Variants in HSF5 observed in about 807,000 individuals in gnomAD.
The protein encoded by HSF5 is heat shock transcription factor 5.
HSF5 carries 5 observed loss-of-function variants against 50.8 expected under a neutral mutation model. The ratio of observed to expected loss-of-function variants is 0.10; its 90% CI spans 0.05 to 0.21. The LOEUF (loss-of-function observed/expected upper bound fraction) is 0.21. Ranked by LOEUF, HSF5 falls within the 10% of genes least tolerant of loss-of-function variation. The pLI is 1.00. For missense variants in HSF5, 564 were observed against 762.6 expected (o/e 0.74, Z 3.07); for synonymous variants, 307 against 307.4 (o/e 1.00, Z 0.02).
chr17:58,452,615 G>A (rs1278765441), intron 5 of HSF5, among the ~76,000 whole-genome samples: 1 of 152,212 alleles, frequency 6.6e-6, no homozygotes, highest in Non-Finnish European at 1.5e-5. Context: ...TTTGAGACCA[G>A]CCTAGGCAAC....
chr17:58,477,650 C>T (rs965900944), intron 2 of HSF5, among the ~76,000 whole-genome samples: 10 of 151,740 alleles, frequency 6.6e-5, no homozygotes, highest in Non-Finnish European at 1.2e-4. Flanking sequence ...TTAGTAGAGA[C>T]AGGGTTTCAC....
intron 5 of HSF5, among the ~76,000 whole-genome samples, chr17:58,422,855 A>C (rs1974244963): frequency 6.6e-6 from 1 of 151,600 alleles, no homozygotes; most frequent in Non-Finnish European, 1.5e-5. Context: ...ACCACCACGC[A>C]CGGCTAATTT....
intron 5 of HSF5, among the ~76,000 whole-genome samples, chr17:58,424,042 C>T (rs1567903900): frequency 6.6e-6 from 1 of 152,152 alleles, no homozygotes; most frequent in African/African-American, 2.4e-5. Flanking sequence ...TTGTAAAAGA[C>T]AGACTAGTCA....
intron 5 of HSF5, among the ~76,000 whole-genome samples, chr17:58,438,814 T>C (rs116124839): frequency 0.021 from 3,122 of 152,138 alleles, 44 homozygotes; most frequent in Middle Eastern, 0.044. Flanking sequence ...CAACCTGAAG[T>C]TGCACTAAGA....
chr17:58,480,281 G>A lies in HSF5; in HGVS notation c.551-14C>T, dbSNP rs774382148. 2.2e-5 allele frequency: 35 copies of A among 1,578,468 alleles called. No individual in the cohort carries two copies. The highest frequency in any genetic ancestry group is 2.9e-5 in the Non-Finnish European group (34 of 1,162,970). On this transcript the variant is annotated splice_polypyrimidine_tract_variant and intron_variant, in intron 1 of 5. Transcript: ENST00000323777. ...CAGCCACTGGTCCTACATAAAAGAGGAAGAGCACATTTACTAATTTTGCAT... is the reference window on the plus strand; with the variant it reads ...CAGCCACTGGTCCTACATAAAAGAGAAAGAGCACATTTACTAATTTTGCAT...
At chr17:58,476,383 A>C (rs1021722801) in intron 2 of HSF5, 17 of 1,047,702 alleles carry the variant, frequency 1.6e-5, no homozygotes, top group Non-Finnish European at 2.5e-5. Context: ...TCAGGTAAAG[A>C]AGCTCCCTGG....
At chr17:58,470,610 G>A (rs1208321632) in intron 2 of HSF5, among the ~76,000 whole-genome samples, 1 of 152,186 alleles carries the variant, frequency 6.6e-6, no homozygotes, top group African/African-American at 2.4e-5. Context: ...AGTGTCAATG[G>A]ATTGTATATT....
intron 2 of HSF5, among the ~76,000 whole-genome samples, chr17:58,473,398 A>G (rs1212472781): frequency 6.6e-6 from 1 of 152,230 alleles, no homozygotes; most frequent in Non-Finnish European, 1.5e-5. Context: ...TTCTCAATAT[A>G]GGATTCTATA....
intron 2 of HSF5, among the ~76,000 whole-genome samples, chr17:58,477,703 G>T (rs574682632): frequency 1.3e-5 from 2 of 151,852 alleles, no homozygotes; most frequent in African/African-American, 4.8e-5. Flanking sequence ...CTCGTGATCT[G>T]CCCGCCTCGG....
rs1974751756 is a variant in HSF5, at chr17:58,458,915, A to T, written c.1573T>A (p.Ser525Thr). Reference protein sequence around the residue: ...VDANIKCQTSSRENILPSEQM... With the variant: ...VDANIKCQTSTRENILPSEQM... ...TCTGACGGCAAGATATTCTCACGTG[A>T]ACTGGTCTGGCATTTTATGTTGGCA... is the stretch of plus-strand genomic sequence containing the variant. The change falls in exon 5 of 6, where the codon TCA (serine) becomes ACA (threonine). Residue 525 changes from serine (S) to threonine (T), a missense_variant. Ser to Thr is a moderately conservative substitution (Grantham distance 58). This residue lies in a region of HSF5 where 441 missense variants were observed against 533.6 expected (regional missense o/e 0.83). Coordinates refer to ENST00000323777, the MANE Select transcript of HSF5 (RefSeq NM_001080439.3). 1 of 1,613,370 alleles carries T rather than the reference A, an allele frequency of 6.2e-7. No individual in the cohort carries two copies.
chr17:58,451,865 A>T (rs1974645619), intron 5 of HSF5, among the ~76,000 whole-genome samples: 1 of 152,024 alleles, frequency 6.6e-6, no homozygotes, highest in South Asian at 2.1e-4. Context: ...AAAATAGTTT[A>T]AAAAACAATA....
chr17:58,450,008 G>A (rs2143760718), intron 5 of HSF5, among the ~76,000 whole-genome samples: 1 of 132,004 alleles, frequency 7.6e-6, no homozygotes, highest in Admixed American at 8.0e-5. Context: ...GGGTGACAGA[G>A]CGAGACTCCG....
intron 2 of HSF5, among the ~76,000 whole-genome samples, chr17:58,474,538 A>C (rs1159382201): frequency 6.6e-6 from 1 of 152,160 alleles, no homozygotes; most frequent in African/African-American, 2.4e-5. Flanking sequence ...TACCTTAAAC[A>C]CTTGGAGACA....
At chr17:58,422,694 C>CTT (rs34142135) in intron 5 of HSF5, among the ~76,000 whole-genome samples, 19 of 125,198 alleles carry the variant, frequency 1.5e-4, no homozygotes, top group African/African-American at 4.5e-4. Context: ...CCTCAGTTGC[C>CTT]TTTTTTTTTT....
At chr17:58,482,608 G>A (rs1975112819) in intron 1 of HSF5, among the ~76,000 whole-genome samples, 1 of 149,552 alleles carries the variant, frequency 6.7e-6, no homozygotes, top group South Asian at 2.1e-4. Context: ...TACTCAGGAG[G>A]CTGAGGAAGG....
chr17:58,449,353 T>C (rs143350617), intron 5 of HSF5, among the ~76,000 whole-genome samples: 1 of 152,328 alleles, frequency 6.6e-6, no homozygotes, highest in South Asian at 2.1e-4. Flanking sequence ...ATGGATTTTT[T>C]AAAAGACCCA....
intron 2 of HSF5, among the ~76,000 whole-genome samples, chr17:58,478,425 C>T (rs1291665152): frequency 7.1e-6 from 1 of 141,686 alleles, no homozygotes; most frequent in Non-Finnish European, 1.5e-5. Flanking sequence ...TGCAGTGAGC[C>T]GAGATTGCAC....
intron 2 of HSF5, among the ~76,000 whole-genome samples, chr17:58,471,060 T>C (rs1280502548): frequency 6.6e-6 from 1 of 152,184 alleles, no homozygotes; most frequent in East Asian, 1.9e-4. Flanking sequence ...AGGGACAGGT[T>C]GGCATTCTCT....
At chr17:58,440,402 T>G (rs376485079) in intron 5 of HSF5, among the ~76,000 whole-genome samples, 3 of 152,216 alleles carry the variant, frequency 2.0e-5, no homozygotes, top group East Asian at 3.9e-4. Flanking sequence ...GTCAGAAAAA[T>G]CTCAGGCTCT....
Sources: allele counts gnomAD v4.1 joint callset (sites outside exome capture counted in the v4.1 genomes callset), GRCh38; gene constraint gnomAD v4.1.1; regional missense constraint gnomAD v4.1.1; transcripts MANE v1.5; gene names NCBI Gene and HGNC (gene_info 2026-07-23, HGNC 2026-07-21).